CHAT: variants seen among roughly 807,000 people sequenced by gnomAD.
CHAT encodes the protein choline O-acetyltransferase.
In CHAT, 61 loss-of-function variants were observed where a neutral mutation model predicts 76.9. The observed-to-expected ratio is 0.79, with a 90% CI of 0.65 to 0.98. The LOEUF is 0.98. Ranked by LOEUF, CHAT falls within the 50% of genes least tolerant of loss-of-function variation. CHAT has a pLI of 0.00. For missense variants in CHAT, 946 were observed against 986.9 expected (o/e 0.96, Z 0.56); for synonymous variants, 407 against 397.4 (o/e 1.02, Z -0.29).
intron 11 of CHAT, among the ~76,000 whole-genome samples, chr10:49,653,657 C>G (rs1409215306): frequency 6.6e-6 from 1 of 152,222 alleles, no homozygotes; most frequent in East Asian, 1.9e-4. Flanking sequence ...GGGCTTGCTG[C>G]TGAGACTTGA....
At position 49,661,632 on chromosome 10, in the gene CHAT, C is replaced by T. The variant is rs142336213; in HGVS notation, c.1840-1013C>T. Among the ~76,000 whole-genome samples, 223 of 152,280 alleles carry T rather than the reference C, an allele frequency of 1.5e-3. 1 individual carries two copies. The highest frequency in any genetic ancestry group is 4.9e-3 in the African/African-American group (205 of 41,550). On this transcript the variant is annotated intron_variant, in intron 13 of 14. Transcript: ENST00000337653. ...GTGCAGGGCTTTGACAGCTAACTGG[C>T]CATCCTACAGAACTGTGAAACCCCA...
At chr10:49,648,892 A>T (rs1166762386) in intron 9 of CHAT, among the ~76,000 whole-genome samples, 3 of 152,134 alleles carry the variant, frequency 2.0e-5, no homozygotes, top group African/African-American at 7.2e-5. Flanking sequence ...AGAGAGGGGA[A>T]GCCTACATCG....
At chr10:49,629,622 T>G (rs1049498497) in intron 7 of CHAT, among the ~76,000 whole-genome samples, 1 of 152,176 alleles carries the variant, frequency 6.6e-6, no homozygotes, top group Admixed American at 6.5e-5. Context: ...TGCCCCAAGG[T>G]CTGAGCACTT....
At chr10:49,630,764 A>G (rs1237631475) in intron 7 of CHAT, among the ~76,000 whole-genome samples, 3 of 152,222 alleles carry the variant, frequency 2.0e-5, no homozygotes, top group Non-Finnish European at 1.5e-5. Flanking sequence ...TCAGAAAATA[A>G]GAGGCCTTTG....
At position 49,655,090 on chromosome 10, in the gene CHAT, C is replaced by T. The variant is rs776745899; in HGVS notation, c.1635-5C>T. On this transcript the variant is annotated splice_region_variant and splice_polypyrimidine_tract_variant and intron_variant, in intron 11 of 14. Transcript: ENST00000337653. ...CATGTGCCATTCATCCTTCATCCCA[C>T]GCAGGCTCCATCGAAGACTGGTGCC... 2.3e-5 allele frequency: 37 copies of T among 1,613,968 alleles called. No individual in the cohort carries two copies. Among genetic ancestry groups the T allele is most frequent in the Non-Finnish European group, 3.1e-5 (37 of 1,179,962 alleles).
At position 49,666,692 on chromosome 10, in the gene CHAT, G is replaced by A. The variant is rs1276008058; in HGVS notation, c.*1646G>A. On this transcript the variant is annotated 3_prime_UTR_variant, in exon 15 of 15. Coordinates refer to ENST00000337653, the MANE Select transcript of CHAT (RefSeq NM_020549.5). ...TGAGTTCCTTGAACCCCTGGTTTTAGATGGAGGATCTCTATTAGATGTCAT... is the reference window on the plus strand; with the variant it reads ...TGAGTTCCTTGAACCCCTGGTTTTAAATGGAGGATCTCTATTAGATGTCAT... Among the ~76,000 whole-genome samples the A allele has an allele frequency of 6.6e-6, 1 of 152,206 alleles. No individual in the cohort carries two copies.
At chr10:49,644,228 G>C (rs547595248) in intron 7 of CHAT, among the ~76,000 whole-genome samples, 3 of 152,336 alleles carry the variant, frequency 2.0e-5, no homozygotes, top group Admixed American at 6.5e-5. Flanking sequence ...ATGATGAGGA[G>C]ATGGGATGTC....
intron 13 of CHAT, among the ~76,000 whole-genome samples, chr10:49,657,237 T>C (rs973435692): frequency 6.6e-6 from 1 of 152,168 alleles, no homozygotes; most frequent in Non-Finnish European, 1.5e-5. Flanking sequence ...TGTTGCTGCA[T>C]TCTCCTGAGG....
Position 49,627,702 on chromosome 10 carries a change from A to G in CHAT, c.1028A>G (p.Glu343Gly). Residue 343 changes from glutamate to glycine, a missense_variant, in exon 7 of 15, where the codon GAG (glutamate) becomes GGG (glycine). By Grantham distance (98) the Glu-to-Gly change is moderately conservative (BLOSUM62 -2). Coordinates refer to ENST00000337653, the MANE Select transcript of CHAT (RefSeq NM_020549.5). ...AAGATAGTCAAAATGGCTTCCAACG[A>G]GGACGAGCGTTTGCCTCCAATTGGC... is the stretch of plus-strand genomic sequence containing the variant. The part of the protein sequence containing the change: ...LRKIVKMASN[E>G]DERLPPIGLL... 6.2e-7 allele frequency: 1 copy of G among 1,614,148 alleles called. No homozygotes were observed. Among genetic ancestry groups the G allele is most frequent in the Non-Finnish European group, 8.5e-7 (1 of 1,179,970 alleles).
Position 49,642,008 on chromosome 10 carries a change from C to T in CHAT, c.1112-4497C>T, listed in dbSNP as rs7895161. On this transcript the variant is annotated intron_variant, in intron 7 of 14. Coordinates refer to ENST00000337653, the MANE Select transcript of CHAT (RefSeq NM_020549.5). ...ATGCCAGCCTCAGGGCTCCCCGAGG[C>T]CTCCTGGCCTCTGGAATTTCCACAC... Among the ~76,000 whole-genome samples, 866 of 152,252 alleles carry T rather than the reference C, an allele frequency of 5.7e-3. 2 individuals carry two copies. The highest frequency in any genetic ancestry group is 0.02 in the African/African-American group (824 of 41,530).
upstream of CHAT, chr10:49,610,924 G>C: frequency 1.2e-6 from 2 of 1,611,212 alleles, no homozygotes; most frequent in Non-Finnish European, 1.7e-6. Context: ...CGACTACATC[G>C]CCCACATGCG....
Position 49,665,006 on chromosome 10 carries a change from A to T in CHAT, c.2207A>T (p.Lys736Met), listed in dbSNP as rs1207314431. The T allele has an allele frequency of 1.9e-6, 3 of 1,614,098 alleles. No homozygotes were observed. The highest frequency in any genetic ancestry group is 2.2e-5 in the South Asian group (2 of 91,074). The change falls in exon 15 of 15, where the codon AAG (lysine) becomes ATG (methionine). Residue 736 changes from lysine to methionine, a missense_variant. Lys to Met is a moderately conservative substitution (Grantham distance 95, BLOSUM62 -1). Around this residue, in one of 3 missense-constraint regions of CHAT, gnomAD observed 349 missense variants for 393.9 expected, o/e 0.89. Transcript: ENST00000337653. ...ACTGAGAGCAAGCCATTGGCAACAA[A>T]GGAAAAAGCCACGAGGCCCAGCCAG... ...PPTESKPLAT[K>M]EKATRPSQGH...
intron 2 of CHAT, among the ~76,000 whole-genome samples, chr10:49,617,532 T>C (rs1838542866): frequency 6.6e-6 from 1 of 152,200 alleles, no homozygotes. Flanking sequence ...GGGGTTGAGA[T>C]GTCTGAGCTG....
At chr10:49,656,573 C>G (rs1021038470) in intron 13 of CHAT, among the ~76,000 whole-genome samples, 3 of 152,156 alleles carry the variant, frequency 2.0e-5, no homozygotes, top group African/African-American at 7.2e-5. Flanking sequence ...AGAGGCTTGT[C>G]AGGCAGACAC....
intron 7 of CHAT, among the ~76,000 whole-genome samples, chr10:49,638,002 C>T (rs1270085413): frequency 1.3e-5 from 2 of 152,334 alleles, no homozygotes; most frequent in East Asian, 3.9e-4. Context: ...TGCTGAATTT[C>T]TGTCTAGTCG....
At chr10:49,631,042 G>A (rs776041640) in intron 7 of CHAT, among the ~76,000 whole-genome samples, 1 of 152,206 alleles carries the variant, frequency 6.6e-6, no homozygotes, top group Non-Finnish European at 1.5e-5. Context: ...AATTAACATT[G>A]TTATGTGATC....
chr10:49,623,860 C>T (rs1479170577), intron 5 of CHAT, among the ~76,000 whole-genome samples: 1 of 152,188 alleles, frequency 6.6e-6, no homozygotes, highest in Non-Finnish European at 1.5e-5. Context: ...CCACTGTGTC[C>T]CCAAGCTCCC....
chr10:49,627,262 T>C (rs890897110), intron 6 of CHAT, among the ~76,000 whole-genome samples: 2 of 152,254 alleles, frequency 1.3e-5, no homozygotes, highest in Admixed American at 6.5e-5. Flanking sequence ...TAAGTGCAAT[T>C]GCTTAGTCAT....
intron 13 of CHAT, among the ~76,000 whole-genome samples, chr10:49,658,611 A>G (rs535908152): frequency 2.8e-4 from 42 of 152,366 alleles, no homozygotes; most frequent in Admixed American, 3.3e-4. Context: ...AGGGAGGCTG[A>G]GGCAGGAGAA....
Sources: gnomAD v4.1 joint callset for allele counts (sites outside exome capture counted in the v4.1 genomes callset) on GRCh38, gnomAD v4.1.1 for gene constraint, gnomAD v4.1.1 regional missense constraint, MANE v1.5 for transcripts, NCBI Gene and HGNC (gene_info 2026-07-23, HGNC 2026-07-21) for gene names.